EPHA5: variants seen among roughly 807,000 people sequenced by gnomAD.
EPHA5 encodes the protein ephrin type-A receptor 5.
In EPHA5, 60 loss-of-function variants were observed where a neutral mutation model predicts 105.0. That is an observed-to-expected ratio of 0.57 (90% confidence interval 0.46 to 0.71). EPHA5 has a LOEUF of 0.71. Ranked by LOEUF, EPHA5 falls within the 30% of genes least tolerant of loss-of-function variation. EPHA5 has a pLI of 0.00. For missense variants in EPHA5, 1,218 were observed against 1,274.7 expected, an observed-to-expected ratio of 0.96 and a Z score of 0.68; for synonymous variants, 513 against 449.1, an observed-to-expected ratio of 1.14 and a Z score of -1.80.
intron 16 of EPHA5, chr4:65,330,905 G>A (rs1216376076): frequency 7.7e-6 from 8 of 1,037,296 alleles, no homozygotes; most frequent in East Asian, 5.8e-5. Flanking sequence ...TTTAGTTATC[G>A]GTATGAAGGA....
intron 3 of EPHA5, among the ~76,000 whole-genome samples, chr4:65,546,826 C>T (rs939380375): frequency 2.1e-5 from 3 of 145,802 alleles, no homozygotes; most frequent in African/African-American, 5.1e-5. Flanking sequence ...CATTAATCAT[C>T]AAAAAATGTT....
chr4:65,417,936 A>T (rs1355797248), intron 6 of EPHA5, among the ~76,000 whole-genome samples: 2 of 152,172 alleles, frequency 1.3e-5, no homozygotes, highest in African/African-American at 4.8e-5. Context: ...AAGGTTATTC[A>T]TAAGGGGAAA....
At chr4:65,410,975 A>G (rs1722854759) in intron 7 of EPHA5, among the ~76,000 whole-genome samples, 1 of 152,292 alleles carries the variant, frequency 6.6e-6, no homozygotes, top group South Asian at 2.1e-4. Context: ...AAGAAACCAG[A>G]AAAGGGTCTA....
At chr4:65,342,520 T>A (rs951733961) in intron 14 of EPHA5, among the ~76,000 whole-genome samples, 1 of 151,810 alleles carries the variant, frequency 6.6e-6, no homozygotes, top group African/African-American at 2.4e-5. Flanking sequence ...ATAAGCAATA[T>A]ACATAAACAT....
At chr4:65,420,047 T>C (rs6840842) in intron 6 of EPHA5, among the ~76,000 whole-genome samples, 134,958 of 152,042 alleles carry the variant, frequency 0.89, 61,388 homozygotes, top group East Asian at 1. Context: ...ATCTTTTTTC[T>C]TATCTCCTTA....
At chr4:65,459,140 C>T (rs1455683557) in intron 5 of EPHA5, among the ~76,000 whole-genome samples, 3 of 152,010 alleles carry the variant, frequency 2.0e-5, no homozygotes, top group African/African-American at 7.2e-5. Context: ...ATTTGTGTTA[C>T]ACACATTCAA....
intron 8 of EPHA5, among the ~76,000 whole-genome samples, chr4:65,381,019 G>A (rs1328342323): frequency 6.6e-6 from 1 of 151,628 alleles, no homozygotes; most frequent in Non-Finnish European, 1.5e-5. Flanking sequence ...GCACCACACA[G>A]GGTTGCTTTG....
chr4:65,520,244 C>G (rs934221281), intron 3 of EPHA5, among the ~76,000 whole-genome samples: 5 of 152,152 alleles, frequency 3.3e-5, no homozygotes, highest in African/African-American at 1.2e-4. Flanking sequence ...ACCATCTGAT[C>G]TTTGACAAAC....
chr4:65,624,519 ACT>A (rs1238982907), intron 2 of EPHA5, among the ~76,000 whole-genome samples: 2 of 152,144 alleles, frequency 1.3e-5, no homozygotes, highest in Non-Finnish European at 2.9e-5. Flanking sequence ...TATTGTTATA[ACT>A]CTCAAAATAT....
chr4:65,461,950 T>C (rs1728164854), intron 5 of EPHA5, among the ~76,000 whole-genome samples: 1 of 152,076 alleles, frequency 6.6e-6, no homozygotes, highest in South Asian at 2.1e-4. Flanking sequence ...TGAATCATTA[T>C]GCAGTTAACC....
At chr4:65,581,821 A>C (rs186986992) in intron 3 of EPHA5, among the ~76,000 whole-genome samples, 1 of 151,822 alleles carries the variant, frequency 6.6e-6, no homozygotes, top group Non-Finnish European at 1.5e-5. Flanking sequence ...TATATGCTAA[A>C]GTCATGAAGT....
chr4:65,511,621 C>G (rs1733636497), intron 3 of EPHA5, among the ~76,000 whole-genome samples: 1 of 152,140 alleles, frequency 6.6e-6, no homozygotes, highest in Admixed American at 6.5e-5. Context: ...AACCCCAATT[C>G]TATAAAACTT....
At chr4:65,495,366 A>T (rs2149225163) in intron 4 of EPHA5, 22 bp downstream of exon 4, 1 of 1,606,390 alleles carries the variant, frequency 6.2e-7, no homozygotes, top group South Asian at 1.1e-5. Flanking sequence ...TAGCACCACC[A>T]AATATCCGTG....
intron 3 of EPHA5, among the ~76,000 whole-genome samples, chr4:65,596,294 T>C (rs907693951): frequency 2.0e-5 from 3 of 152,120 alleles, no homozygotes; most frequent in Non-Finnish European, 4.4e-5. Flanking sequence ...TCTAGACACA[T>C]TTTTGACTGT....
chr4:65,392,622 A>T (rs1345214769), intron 8 of EPHA5, among the ~76,000 whole-genome samples: 4 of 152,266 alleles, frequency 2.6e-5, no homozygotes, highest in Middle Eastern at 6.8e-3. Flanking sequence ...GCTAGTGAGG[A>T]TTTATTAACT....
At chr4:65,420,174 T>A (rs1204446827) in intron 6 of EPHA5, among the ~76,000 whole-genome samples, 1 of 152,166 alleles carries the variant, frequency 6.6e-6, no homozygotes, top group African/African-American at 2.4e-5. Flanking sequence ...AAATGCCCTA[T>A]GACTTCATCT....
At chr4:65,592,492 A>G (rs926114388) in intron 3 of EPHA5, among the ~76,000 whole-genome samples, 1 of 152,000 alleles carries the variant, frequency 6.6e-6, no homozygotes, top group Non-Finnish European at 1.5e-5. Context: ...CATCCTCAAG[A>G]GGACTCCGAG....
chr4:65,434,231 C>A (rs534639866), intron 5 of EPHA5, among the ~76,000 whole-genome samples: 2 of 152,172 alleles, frequency 1.3e-5, no homozygotes, highest in East Asian at 3.9e-4. Context: ...GATCCTTAAT[C>A]TAATCACATT....
At chr4:65,669,539 G>A (rs762971646) in intron 1 of EPHA5, 23 bp downstream of exon 1, 2 of 1,360,306 alleles carry the variant, frequency 1.5e-6, no homozygotes, top group South Asian at 4.2e-5. Flanking sequence ...AGGTCGCCAC[G>A]GTCCCCACCC....
Sources: gnomAD v4.1 joint callset for allele counts (sites outside exome capture counted in the v4.1 genomes callset) on GRCh38, gnomAD v4.1.1 for gene constraint, MANE v1.5 for transcripts, NCBI Gene and HGNC (gene_info 2026-07-23, HGNC 2026-07-21) for gene names.